Variants in AGMO observed in about 807,000 individuals in gnomAD.
The protein encoded by AGMO is alkylglycerol monooxygenase.
In AGMO, 75 loss-of-function variants were observed where a neutral mutation model predicts 60.2. That is an observed-to-expected ratio of 1.25 (90% CI 1.03 to 1.51). AGMO has a LOEUF of 1.51. AGMO is among the 40% of genes most tolerant of loss of function. AGMO has a pLI of 0.00. For synonymous variants in AGMO, 261 were observed against 177.1 expected (o/e 1.47, Z -3.76); for missense variants, 763 against 525.5 (o/e 1.45, Z -4.42).
chr7:15,487,966 T>A (rs1185463766), intron 3 of AGMO, among the ~76,000 whole-genome samples: 1 of 152,136 alleles, frequency 6.6e-6, no homozygotes, highest in Non-Finnish European at 1.5e-5. Flanking sequence ...AAATCTATAA[T>A]TCAGGCTTAA....
At chr7:15,515,074 T>C (rs1477104178) in intron 3 of AGMO, among the ~76,000 whole-genome samples, 2 of 152,212 alleles carry the variant, frequency 1.3e-5, no homozygotes, top group Non-Finnish European at 2.9e-5. Flanking sequence ...GGGAGGAAGT[T>C]AAACCCTAGA....
chr7:15,486,327 T>C (rs1782920973), intron 3 of AGMO, among the ~76,000 whole-genome samples: 1 of 152,158 alleles, frequency 6.6e-6, no homozygotes, highest in Non-Finnish European at 1.5e-5. Context: ...TGTGGCTATG[T>C]ACAGTTCAAA....
At chr7:15,484,036 T>C (rs1782842750) in intron 3 of AGMO, among the ~76,000 whole-genome samples, 1 of 152,156 alleles carries the variant, frequency 6.6e-6, no homozygotes, top group South Asian at 2.1e-4. Flanking sequence ...TTTTGGTGAG[T>C]ATAATCCCTG....
At chr7:15,492,912 T>C (rs985538136) in intron 3 of AGMO, among the ~76,000 whole-genome samples, 1 of 152,120 alleles carries the variant, frequency 6.6e-6, no homozygotes, top group African/African-American at 2.4e-5. Context: ...TCAAGGAAGT[T>C]TCCATTTTTG....
intron 12 of AGMO, among the ~76,000 whole-genome samples, chr7:15,270,635 T>TG (rs1783575865): frequency 9.5e-5 from 11 of 116,342 alleles, no homozygotes; most frequent in African/African-American, 3.7e-4. Flanking sequence ...TTTTTTTTTT[T>TG]TTGCTGTGCA....
At chr7:15,276,361 C>T (rs972047970) in intron 12 of AGMO, among the ~76,000 whole-genome samples, 2 of 151,980 alleles carry the variant, frequency 1.3e-5, no homozygotes, top group African/African-American at 4.8e-5. Flanking sequence ...AAATAGGCTC[C>T]CAAGCTCTTC....
chr7:15,413,143 CTG>C (rs994718821), intron 5 of AGMO, among the ~76,000 whole-genome samples: 31 of 152,268 alleles, frequency 2.0e-4, no homozygotes, highest in African/African-American at 5.5e-4. Context: ...CAGAGAAAAA[CTG>C]TTTATTTAAA....
chr7:15,271,070 G>A lies in AGMO; in HGVS notation c.1264-69711C>T, dbSNP rs114977313. Among the ~76,000 whole-genome samples, 452 of 151,826 alleles carry A rather than the reference G, an allele frequency of 3.0e-3. 2 individuals are homozygous for A. The highest frequency in any genetic ancestry group is 0.01 in the African/African-American group (427 of 41,432). ...ATGCTGTTGATGTTCTAGTTACTACGGCCTTGTAATATAATTTGAACTCAG... is the reference window on the plus strand; with the variant it reads ...ATGCTGTTGATGTTCTAGTTACTACAGCCTTGTAATATAATTTGAACTCAG... On this transcript the variant is annotated intron_variant, in intron 12 of 12. Coordinates refer to ENST00000342526, the MANE Select transcript of AGMO (RefSeq NM_001004320.2).
At chr7:15,435,708 A>G (rs987617205) in intron 3 of AGMO, among the ~76,000 whole-genome samples, 3 of 152,184 alleles carry the variant, frequency 2.0e-5, no homozygotes, top group Non-Finnish European at 2.9e-5. Flanking sequence ...TTTAATTTTC[A>G]TGAAATCCAG....
intron 12 of AGMO, among the ~76,000 whole-genome samples, chr7:15,313,733 ATATAC>A (rs1314798026): frequency 2.0e-5 from 3 of 152,258 alleles, no homozygotes; most frequent in Middle Eastern, 6.8e-3. Context: ...CAAACCATAT[ATATAC>A]TATATTTTTC....
chr7:15,354,503 T>TAG (rs1782440207), intron 12 of AGMO, among the ~76,000 whole-genome samples: 1 of 24,902 alleles, frequency 4.0e-5, no homozygotes, highest in East Asian at 4.5e-3. Context: ...CGTGTATATA[T>TAG]ATATATATAT....
intron 3 of AGMO, among the ~76,000 whole-genome samples, chr7:15,500,445 C>G (rs922223564): frequency 1.3e-5 from 2 of 151,702 alleles, no homozygotes; most frequent in Non-Finnish European, 2.9e-5. Context: ...AAGGAAAACC[C>G]TACAGTATTT....
At chr7:15,528,264 C>T (rs1429266386) in intron 3 of AGMO, among the ~76,000 whole-genome samples, 1 of 152,012 alleles carries the variant, frequency 6.6e-6, no homozygotes, top group East Asian at 1.9e-4. Flanking sequence ...TGCAATTGCA[C>T]ACTTAGTAAA....
At chr7:15,529,383 G>C (rs1784214706) in intron 3 of AGMO, among the ~76,000 whole-genome samples, 1 of 149,518 alleles carries the variant, frequency 6.7e-6, no homozygotes, top group East Asian at 2.0e-4. Flanking sequence ...TCAATAAGTA[G>C]ACACTATTAT....
intron 3 of AGMO, among the ~76,000 whole-genome samples, chr7:15,464,722 T>C (rs191209087): frequency 1.0e-3 from 158 of 152,328 alleles, no homozygotes; most frequent in Non-Finnish European, 2.0e-3. Flanking sequence ...GTTATAAACA[T>C]AGTGCATTGT....
At chr7:15,166,980 G>T in the AGMO span, among the ~76,000 whole-genome samples, 7 of 152,160 alleles carry the variant, frequency 4.6e-5, no homozygotes, top group South Asian at 1.5e-3. Context: ...GTAGATACTT[G>T]GAGAAAAGAT....
the AGMO span, among the ~76,000 whole-genome samples, chr7:15,130,319 A>G: frequency 6.6e-6 from 1 of 151,950 alleles, no homozygotes; most frequent in African/African-American, 2.4e-5. Context: ...TTTTTCTGAC[A>G]ATAGTCAAAT....
At chr7:15,285,529 C>T (rs1022796235) in intron 12 of AGMO, among the ~76,000 whole-genome samples, 1 of 151,966 alleles carries the variant, frequency 6.6e-6, no homozygotes, top group Non-Finnish European at 1.5e-5. Context: ...GGTGAAAGAT[C>T]TCTACAAGGA....
intron 3 of AGMO, among the ~76,000 whole-genome samples, chr7:15,478,651 G>A (rs987252940): frequency 6.6e-6 from 1 of 152,046 alleles, no homozygotes; most frequent in Non-Finnish European, 1.5e-5. Flanking sequence ...TACACATCAC[G>A]TTGGGAACCT....
Sources: allele counts gnomAD v4.1 joint callset (sites outside exome capture counted in the v4.1 genomes callset), GRCh38; gene constraint gnomAD v4.1.1; transcripts MANE v1.5; gene names NCBI Gene and HGNC (gene_info 2026-07-23, HGNC 2026-07-21).